The following MSH3 variants were observed in gnomAD, a reference collection of about 807,000 sequenced individuals.
MSH3 encodes mutS homolog 3.
A neutral mutation model predicts 123.3 loss-of-function variants in MSH3; 106 were observed. The ratio of observed to expected loss-of-function variants is 0.86; its 90% CI spans 0.73 to 1.01. The LOEUF (loss-of-function observed/expected upper bound fraction) is 1.01. Ranked by LOEUF, MSH3 falls within the 50% of genes least tolerant of loss-of-function variation. The pLI is 0.00. For missense variants in MSH3, 1,459 were observed against 1,347.6 expected, an observed-to-expected ratio of 1.08 and a Z score of -1.29; for synonymous variants, 515 against 481.4, an observed-to-expected ratio of 1.07 and a Z score of -0.91.
At chr5:80,728,618 A>G (rs1258151435) in intron 9 of MSH3, among the ~76,000 whole-genome samples, 1 of 152,174 alleles carries the variant, frequency 6.6e-6, no homozygotes, top group Admixed American at 6.5e-5. Flanking sequence ...GGTTCATTCC[A>G]CCATCAGAAA....
chr5:80,686,019 A>G (rs1356023415), intron 8 of MSH3, among the ~76,000 whole-genome samples: 1 of 152,064 alleles, frequency 6.6e-6, no homozygotes, highest in Non-Finnish European at 1.5e-5. Flanking sequence ...AAGATTCTTG[A>G]TATTATTTCA....
chr5:80,845,017 A>G (rs1286426684), intron 20 of MSH3, among the ~76,000 whole-genome samples: 1 of 152,144 alleles, frequency 6.6e-6, no homozygotes, highest in African/African-American at 2.4e-5. Flanking sequence ...ACAATTTGGC[A>G]TGTTTTTGCA....
chr5:80,682,974 T>C (rs1399868825), intron 8 of MSH3, among the ~76,000 whole-genome samples: 1 of 152,226 alleles, frequency 6.6e-6, no homozygotes, highest in Non-Finnish European at 1.5e-5. Flanking sequence ...TTTCTGTGCC[T>C]GGCTTATTTC....
At chr5:80,800,016 T>G (rs1334661532) in intron 19 of MSH3, among the ~76,000 whole-genome samples, 3 of 152,246 alleles carry the variant, frequency 2.0e-5, no homozygotes, top group Admixed American at 2.0e-4. Flanking sequence ...TGACATTCTA[T>G]GTGGAAGTTG....
chr5:80,683,901 A>G (rs1050300166), intron 8 of MSH3, among the ~76,000 whole-genome samples: 6 of 152,198 alleles, frequency 3.9e-5, no homozygotes, highest in African/African-American at 1.2e-4. Context: ...ATTGTTCTGC[A>G]TATGGATGTC....
intron 8 of MSH3, among the ~76,000 whole-genome samples, chr5:80,696,888 G>A (rs1030161187): frequency 2.6e-5 from 4 of 152,102 alleles, no homozygotes; most frequent in South Asian, 2.1e-4. Context: ...TTTTGCACAT[G>A]GGTGAATCTG....
rs781446842 is a variant in MSH3, at chr5:80,691,403, G to A, written c.1340+12310G>A. Reference sequence around the variant, plus strand: ...ACCAAAAAGAAAATAAGGTCTTAACGAAAATTTGGAAACTTTACTGAAAGA... The same window carrying A: ...ACCAAAAAGAAAATAAGGTCTTAACAAAAATTTGGAAACTTTACTGAAAGA... On this transcript the variant is annotated intron_variant, in intron 8 of 23. Transcript: ENST00000265081. Among the ~76,000 whole-genome samples the A allele has an allele frequency of 2.6e-4, 39 of 151,708 alleles. 1 individual carries two copies. The highest frequency in any genetic ancestry group is 1.4e-3 in the Admixed American group (22 of 15,232).
chr5:80,789,563 G>A (rs753406989), intron 18 of MSH3, among the ~76,000 whole-genome samples: 2 of 152,064 alleles, frequency 1.3e-5, no homozygotes, highest in Non-Finnish European at 2.9e-5. Flanking sequence ...TAGAGATGGG[G>A]TTTTACCATG....
Position 80,864,904 on chromosome 5 carries a change from G to T in MSH3, c.3092G>T (p.Gly1031Val), listed in dbSNP as rs1183003748. 1.2e-6 allele frequency: 2 copies of T among 1,613,724 alleles called. No homozygotes were observed. Among genetic ancestry groups the T allele is most frequent in the African/African-American group, 2.7e-5 (2 of 74,918 alleles). The change falls in exon 22 of 24, where the codon GGA becomes GTA. Residue 1031 changes from glycine to valine, a missense_variant. By Grantham distance (109) the Gly-to-Val change is moderately radical. Coordinates refer to ENST00000265081, the MANE Select transcript of MSH3 (RefSeq NM_002439.5). ...YSHQVGNYHM[G>V]FLVSEDESKL... is the part of the protein sequence containing the mutation. ...CACCAGGTGGGGAATTACCACATGG[G>T]ATTCTTGGTCAGTGAGGATGAAAGC...
chr5:80,829,662 A>C (rs1745384968), intron 20 of MSH3, among the ~76,000 whole-genome samples: 1 of 152,166 alleles, frequency 6.6e-6, no homozygotes, highest in Non-Finnish European at 1.5e-5. Flanking sequence ...GGATTTTTGC[A>C]TCTATGTTCA....
At chr5:80,754,182 A>G (rs1743883993) in intron 12 of MSH3, among the ~76,000 whole-genome samples, 2 of 152,130 alleles carry the variant, frequency 1.3e-5, no homozygotes, top group African/African-American at 4.8e-5. Flanking sequence ...TTTGCTTATC[A>G]TTCCTGCCCC....
chr5:80,679,504 T>C (rs996257792), intron 8 of MSH3, among the ~76,000 whole-genome samples: 1 of 152,234 alleles, frequency 6.6e-6, no homozygotes, highest in Non-Finnish European at 1.5e-5. Context: ...ATTTAATTAT[T>C]GGTAATCTTC....
chr5:80,672,333 A>G lies in MSH3; in HGVS notation c.882A>G (p.Val294=). 6.2e-7 allele frequency: 1 copy of G among 1,613,928 alleles called. No homozygotes were observed. The highest frequency in any genetic ancestry group is 8.5e-7 in the Non-Finnish European group (1 of 1,179,828). The change falls in exon 5 of 24, where the codon GTA becomes GTG. Residue 294 remains valine (V), a synonymous_variant. Transcript: ENST00000265081. ...SIPTHRLFVH[V]RRLVAKGYKV... is the part of the protein sequence containing the mutation. Reference sequence around the variant, plus strand: ...CTACTCACAGACTGTTTGTTCATGTACGCCGCCTGGTGGCAAAAGGATATA... The same window carrying G: ...CTACTCACAGACTGTTTGTTCATGTGCGCCGCCTGGTGGCAAAAGGATATA...
At chr5:80,823,728 TGGGTGTTTCTCGCAGAGG>T (rs1329225713) in intron 20 of MSH3, among the ~76,000 whole-genome samples, 1 of 152,162 alleles carries the variant, frequency 6.6e-6, no homozygotes, top group Non-Finnish European at 1.5e-5. Flanking sequence ...TGATCATTCT[TGGGTGTTTCTCGCAGAGG>T]GGGATTTGGC....
rs894860956 is a variant in MSH3, at chr5:80,871,101, T to G, written c.3131-2015T>G. On this transcript the variant is annotated intron_variant, in intron 22 of 23. Coordinates refer to ENST00000265081, the MANE Select transcript of MSH3 (RefSeq NM_002439.5). ...TATATATATGACAGGCTGGGTCCTC[T>G]AGGAGGCAGATTCTGAGATTTGCAT... 3.3e-5 allele frequency among the ~76,000 whole-genome samples: 5 copies of G among 152,160 alleles called. No individual in the cohort carries two copies. The East Asian group carries it at 9.6e-4, about 29-fold the overall frequency.
At chr5:80,872,507 G>A (rs955308122) in intron 22 of MSH3, among the ~76,000 whole-genome samples, 3 of 151,126 alleles carry the variant, frequency 2.0e-5, no homozygotes, top group Admixed American at 6.6e-5. Flanking sequence ...TATCAACCAC[G>A]TACTAAGATC....
In MSH3 at chr5:80,792,721, T is replaced by C; in HGVS notation, c.2544-12T>C. On this transcript the variant is annotated splice_polypyrimidine_tract_variant and intron_variant, in intron 18 of 23. Coordinates refer to ENST00000265081, the MANE Select transcript of MSH3 (RefSeq NM_002439.5). The stretch of plus-strand genomic sequence containing the variant: ...CATGCCTAGTAAATTGAAACATATT[T>C]CTTTTTTGCAGACCAACTGTACAAG... 6.5e-7 allele frequency: 1 copy of C among 1,530,308 alleles called. No homozygotes were observed. The highest frequency in any genetic ancestry group is 9.1e-7 in the Non-Finnish European group (1 of 1,104,684). The allele number at this position is 1,530,308 out of a possible 1,614,324, so 94.8% of individuals were successfully genotyped here.
intron 20 of MSH3, among the ~76,000 whole-genome samples, chr5:80,825,462 G>A (rs1745276937): frequency 6.6e-6 from 1 of 152,026 alleles, no homozygotes; most frequent in Admixed American, 6.5e-5. Flanking sequence ...CCCTAATTAT[G>A]ATAGTTTATT....
intron 12 of MSH3, among the ~76,000 whole-genome samples, chr5:80,752,991 A>G (rs1743862586): frequency 6.6e-6 from 1 of 152,146 alleles, no homozygotes; most frequent in South Asian, 2.1e-4. Context: ...GACAATAATA[A>G]CTTCTGGGAA....
Sources: allele counts gnomAD v4.1 joint callset (sites outside exome capture counted in the v4.1 genomes callset), GRCh38; gene constraint gnomAD v4.1.1; transcripts MANE v1.5; gene names NCBI Gene and HGNC (gene_info 2026-07-23, HGNC 2026-07-21).